The following STK3 variants were observed in gnomAD, a reference collection of about 807,000 sequenced individuals.
STK3 encodes serine/threonine-protein kinase 3.
In STK3, 41 loss-of-function variants were observed where a neutral mutation model predicts 58.0. That is an observed-to-expected ratio of 0.71 (90% confidence interval 0.55 to 0.92). The LOEUF (loss-of-function observed/expected upper bound fraction) is 0.92, where lower values mean the gene tolerates loss of function less well. Ranked by LOEUF, STK3 falls within the 40% of genes least tolerant of loss-of-function variation. The pLI is 0.00. For missense variants in STK3, 479 were observed against 602.7 expected (o/e 0.79, Z 2.15); for synonymous variants, 170 against 191.0 (o/e 0.89, Z 0.91).
intron 1 of STK3, among the ~76,000 whole-genome samples, chr8:98,909,040 C>T (rs1013085766): frequency 3.9e-5 from 6 of 151,940 alleles, no homozygotes; most frequent in Admixed American, 3.9e-4. Flanking sequence ...CCTGTAATCG[C>T]AGCTATTCAG....
At chr8:98,494,955 A>T (rs1337909988) in intron 10 of STK3, among the ~76,000 whole-genome samples, 1 of 152,214 alleles carries the variant, frequency 6.6e-6, no homozygotes, top group Non-Finnish European at 1.5e-5. Flanking sequence ...AACTTTCTTC[A>T]TGAATCCAAC....
chr8:98,906,989 T>TAAAAAAAAAAAAAAAA lies in STK3; in HGVS notation c.-78-23171_-78-23156dup, dbSNP rs3085954. Reference sequence around the variant, plus strand: ...ATAGGGATAACCCCATCTCTACCAATAAAAAAAAAAAAAAAAAAATTAGCC... The same window carrying TAAAAAAAAAAAAAAAA: ...ATAGGGATAACCCCATCTCTACCAATAAAAAAAAAAAAAAAAAAAAAAAAAAAAAAAAAAATTAGCC... On this transcript the variant is annotated intron_variant, in intron 1 of 1. Transcript: ENST00000519420. Among the ~76,000 whole-genome samples the TAAAAAAAAAAAAAAAA allele has an allele frequency of 8.1e-4, 77 of 94,764 alleles. 3 individuals carry two copies. The highest frequency in any genetic ancestry group is 3.1e-3 in the African/African-American group (73 of 23,916). 62.2% of individuals were successfully genotyped at this position (94,764 alleles called of 152,430 possible). A position where few individuals can be genotyped will look rare whatever the true frequency, so the allele number is the denominator to read the frequency against.
chr8:98,504,893 T>A (rs1823929132), intron 10 of STK3, among the ~76,000 whole-genome samples: 1 of 152,228 alleles, frequency 6.6e-6, no homozygotes, highest in Non-Finnish European at 1.5e-5. Context: ...TTGAGGAATA[T>A]CTTTGTGGTG....
At chr8:98,650,361 C>A (rs981937686) in intron 6 of STK3, among the ~76,000 whole-genome samples, 1 of 152,224 alleles carries the variant, frequency 6.6e-6, no homozygotes, top group Admixed American at 6.5e-5. Context: ...GGAGGGCAGC[C>A]AAGATGACCG....
the STK3 span, among the ~76,000 whole-genome samples, chr8:98,356,482 G>A: frequency 6.6e-6 from 1 of 152,164 alleles, no homozygotes; most frequent in Non-Finnish European, 1.5e-5. Flanking sequence ...TACCAGGTAA[G>A]GATCCAAATG....
At chr8:98,843,075 T>C (rs1449496190) in intron 3 of STK3, among the ~76,000 whole-genome samples, 1 of 150,156 alleles carries the variant, frequency 6.7e-6, no homozygotes, top group Admixed American at 6.7e-5. Flanking sequence ...ATATATATAA[T>C]ATATAATAAA....
chr8:98,458,593 A>C (rs1819687798), intron 10 of STK3, among the ~76,000 whole-genome samples: 1 of 152,114 alleles, frequency 6.6e-6, no homozygotes. Context: ...TCCCCACCCA[A>C]ATCTCATCAT....
At chr8:98,711,900 C>T (rs1016060702) in intron 4 of STK3, among the ~76,000 whole-genome samples, 1 of 152,122 alleles carries the variant, frequency 6.6e-6, no homozygotes, top group African/African-American at 2.4e-5. Context: ...TCGGGTTACC[C>T]ACAAAGGGAA....
chr8:98,632,003 G>C (rs1819283464), intron 6 of STK3, among the ~76,000 whole-genome samples: 1 of 152,170 alleles, frequency 6.6e-6, no homozygotes, highest in Non-Finnish European at 1.5e-5. Context: ...ACTACAAATA[G>C]GTACCTAAGA....
At position 98,472,557 on chromosome 8, in the gene STK3, G is replaced by T. The variant is rs544865017; in HGVS notation, c.1318-16557C>A. 9.9e-5 allele frequency among the ~76,000 whole-genome samples: 15 copies of T among 152,168 alleles called. 1 individual carries two copies. The South Asian group carries it at 2.5e-3, about 25-fold the overall frequency. ...ACCTCAAAATAATGCTGTGAAATGGGGCAGATAATTCTGTAAACAGGCATT... is the reference window on the plus strand; with the variant it reads ...ACCTCAAAATAATGCTGTGAAATGGTGCAGATAATTCTGTAAACAGGCATT... On this transcript the variant is annotated intron_variant, in intron 10 of 10. Transcript: ENST00000419617.
chr8:98,757,312 C>G (rs1830350392), intron 3 of STK3, among the ~76,000 whole-genome samples: 1 of 150,726 alleles, frequency 6.6e-6, no homozygotes, highest in Non-Finnish European at 1.5e-5. Flanking sequence ...TCCTGAGTAG[C>G]TGGGATTACA....
At chr8:98,661,263 A>G (rs1337286789) in intron 6 of STK3, among the ~76,000 whole-genome samples, 1 of 152,146 alleles carries the variant, frequency 6.6e-6, no homozygotes, top group Admixed American at 6.6e-5. Flanking sequence ...AAATAAGGAA[A>G]TGCTTCAAAA....
rs1341228211 is a variant in STK3 at position 98,778,356 on chromosome 8, C to T, written c.27-3537G>A. ...TACCATCTCACACCAGTTAGAATGG[C>T]AATCATTAAAAAGTCAGGAAACAAC... On this transcript the variant is annotated intron_variant, in intron 1 of 10. Coordinates refer to ENST00000419617, the MANE Select transcript of STK3 (RefSeq NM_006281.4). Among the ~76,000 whole-genome samples the T allele has an allele frequency of 2.6e-5, 4 of 151,928 alleles. No individual in the cohort carries two copies. In the South Asian group the frequency reaches 8.3e-4, roughly 32 times the overall value.
intron 9 of STK3, among the ~76,000 whole-genome samples, chr8:98,545,846 T>G (rs1271410832): frequency 6.6e-6 from 1 of 152,044 alleles, no homozygotes; most frequent in South Asian, 2.1e-4. Flanking sequence ...ATTTAAGAAG[T>G]TTTAAAGATT....
chr8:98,356,480 A>G, the STK3 span, among the ~76,000 whole-genome samples: 4 of 152,194 alleles, frequency 2.6e-5, no homozygotes, highest in African/African-American at 7.2e-5. Context: ...ACTACCAGGT[A>G]AGGATCCAAA....
At chr8:98,481,149 G>C (rs1821819184) in intron 10 of STK3, among the ~76,000 whole-genome samples, 1 of 151,788 alleles carries the variant, frequency 6.6e-6, no homozygotes, top group South Asian at 2.1e-4. Context: ...ACCACTGCTA[G>C]AAAATCCACA....
At chr8:98,731,549 C>T (rs111475799) in intron 4 of STK3, among the ~76,000 whole-genome samples, 2,704 of 152,074 alleles carry the variant, frequency 0.018, 72 homozygotes, top group African/African-American at 0.062. Flanking sequence ...GAAACTCCGT[C>T]TCTACTAAAA....
At chr8:98,830,969 C>CAAAA (rs760622434) in intron 3 of STK3, among the ~76,000 whole-genome samples, 5 of 59,878 alleles carry the variant, frequency 8.4e-5, no homozygotes, top group Non-Finnish European at 1.5e-4. Context: ...GACTCTGTCT[C>CAAAA]AAAAAAAAAA....
chr8:98,346,148 G>C, the STK3 span, among the ~76,000 whole-genome samples: 5 of 151,890 alleles, frequency 3.3e-5, no homozygotes, highest in Non-Finnish European at 5.9e-5. Flanking sequence ...AGCCAGGCAT[G>C]ATCTTGGGTG....
Sources: allele counts gnomAD v4.1 joint callset (sites outside exome capture counted in the v4.1 genomes callset), GRCh38; gene constraint gnomAD v4.1.1; transcripts MANE v1.5; gene names NCBI Gene and HGNC (gene_info 2026-07-23, HGNC 2026-07-21).